GLB1: variants seen among roughly 807,000 people sequenced by gnomAD.
GLB1 encodes beta-galactosidase.
In GLB1, 56 loss-of-function variants were observed where a neutral mutation model predicts 74.0. The ratio of observed to expected loss-of-function variants is 0.76; its 90% CI spans 0.61 to 0.94. The LOEUF is 0.94. Ranked by LOEUF, GLB1 falls within the 40% of genes least tolerant of loss-of-function variation. The probability of loss-of-function intolerance (pLI) is 0.00; values close to 1 mark genes in which losing one functional copy is unlikely to be tolerated. For missense variants in GLB1, 787 were observed against 845.5 expected (o/e 0.93, Z 0.86); for synonymous variants, 323 against 323.6 (o/e 1.00, Z 0.02).
intron 12 of GLB1, chr3:33,021,308 T>G (rs1271709694): frequency 5.6e-6 from 3 of 532,024 alleles, no homozygotes; most frequent in Non-Finnish European, 1.0e-5. Context: ...TTATAACTTG[T>G]ACAGAATTAT....
chr3:33,068,048 G>A (rs561445243), intron 4 of GLB1, among the ~76,000 whole-genome samples, 182 bp downstream of exon 4: 1 of 152,206 alleles, frequency 6.6e-6, no homozygotes, highest in South Asian at 2.1e-4. Context: ...ACCATGCCCA[G>A]CTAATTTTTT....
At chr3:33,012,348 G>C (rs1267080811) in intron 15 of GLB1, among the ~76,000 whole-genome samples, 2 of 152,132 alleles carry the variant, frequency 1.3e-5, no homozygotes, top group East Asian at 3.9e-4. Context: ...CCATGTGATG[G>C]GTTAGGAGGT....
At chr3:33,028,589 G>A (rs534652050) in intron 10 of GLB1, among the ~76,000 whole-genome samples, 31 of 151,888 alleles carry the variant, frequency 2.0e-4, no homozygotes, top group African/African-American at 7.2e-4. Flanking sequence ...CAAAGGATAT[G>A]AGTATAAGAC....
chr3:33,065,374 G>T, intron 5 of GLB1, 89 bp downstream of exon 5: 1 of 1,478,742 alleles, frequency 6.8e-7, no homozygotes, highest in Non-Finnish European at 9.2e-7. Context: ...GACCTATGAG[G>T]CTCATGTCTG....
intron 1 of GLB1, chr3:33,092,740 G>T: frequency 6.6e-7 from 1 of 1,504,534 alleles, no homozygotes. Flanking sequence ...GGATGAGTGG[G>T]CAAGGCTGGA....
intron 1 of GLB1, chr3:33,077,372 C>T: frequency 7.5e-7 from 1 of 1,329,184 alleles, no homozygotes; most frequent in Non-Finnish European, 1.1e-6. Context: ...GTCAATGAGA[C>T]AGATCAGATT....
intron 10 of GLB1, among the ~76,000 whole-genome samples, chr3:33,024,818 A>G (rs1339565988): frequency 3.3e-5 from 5 of 152,352 alleles, no homozygotes; most frequent in African/African-American, 9.6e-5. Context: ...GATGTATGCA[A>G]TCCTCCAATG....
intron 13 of GLB1, 72 bp downstream of exon 13, chr3:33,018,376 G>C: frequency 7.3e-6 from 10 of 1,377,796 alleles, no homozygotes; most frequent in Non-Finnish European, 1.0e-5. Flanking sequence ...CCCAAATGCT[G>C]TGTTAACAAG....
At chr3:33,015,236 A>G (rs1174165081) in intron 14 of GLB1, among the ~76,000 whole-genome samples, 1 of 152,172 alleles carries the variant, frequency 6.6e-6, no homozygotes, top group African/African-American at 2.4e-5. Flanking sequence ...AGCAGGTACG[A>G]CGGATGCAGC....
At chr3:33,052,409 G>A (rs557898638) in intron 7 of GLB1, among the ~76,000 whole-genome samples, 99 of 152,228 alleles carry the variant, frequency 6.5e-4, no homozygotes, top group African/African-American at 2.3e-3. Context: ...CGAGGTGGGC[G>A]GATCACAAGG....
chr3:33,092,591 T>C, intron 1 of GLB1: 1 of 1,313,842 alleles, frequency 7.6e-7, no homozygotes, highest in Non-Finnish European at 9.7e-7. Flanking sequence ...AGTGCTAATA[T>C]ATGTGACCTT....
chr3:32,971,749 G>A, the GLB1 span, among the ~76,000 whole-genome samples: 2 of 152,178 alleles, frequency 1.3e-5, no homozygotes. Context: ...CGCCCAGAAC[G>A]ACTCCTACTT....
At chr3:32,981,224 G>A in the GLB1 span, among the ~76,000 whole-genome samples, 1 of 149,896 alleles carries the variant, frequency 6.7e-6, no homozygotes, top group Non-Finnish European at 1.5e-5. Context: ...CCAACACAGT[G>A]AAACCCCATC....
chr3:33,055,522 G>A (rs1163909906), intron 6 of GLB1, among the ~76,000 whole-genome samples: 1 of 146,270 alleles, frequency 6.8e-6, no homozygotes, highest in Admixed American at 7.0e-5. Flanking sequence ...GTGTAGTGGC[G>A]CAATCTCAGC....
chr3:33,048,836 G>A (rs1575447679), intron 9 of GLB1, among the ~76,000 whole-genome samples: 2 of 152,268 alleles, frequency 1.3e-5, no homozygotes, highest in African/African-American at 4.8e-5. Flanking sequence ...CAGCTGAACA[G>A]AAAACGTGTG....
At chr3:33,052,931 T>C (rs1699055636) in intron 7 of GLB1, 2 of 185,552 alleles carry the variant, frequency 1.1e-5, no homozygotes, top group South Asian at 2.4e-4. Context: ...AAGGCTGTTT[T>C]ATAAATCAGG....
chr3:33,074,363 AG>A (rs1559412824), intron 1 of GLB1, among the ~76,000 whole-genome samples: 51 of 123,142 alleles, frequency 4.1e-4, no homozygotes, highest in African/African-American at 1.4e-3. Context: ...GAAGGAAGGA[AG>A]GAAGGAAGGA....
the GLB1 span, among the ~76,000 whole-genome samples, chr3:32,972,831 G>C: frequency 6.6e-6 from 1 of 152,290 alleles, no homozygotes; most frequent in East Asian, 1.9e-4. Flanking sequence ...CCCTAAGAAA[G>C]AGAAAGAGCT....
chr3:33,036,489 A>G (rs1014876362), intron 10 of GLB1, among the ~76,000 whole-genome samples: 1 of 152,202 alleles, frequency 6.6e-6, no homozygotes, highest in Non-Finnish European at 1.5e-5. Flanking sequence ...AATTCTAAAA[A>G]TAAGCCTACC....
Sources: allele counts gnomAD v4.1 joint callset (sites outside exome capture counted in the v4.1 genomes callset), GRCh38; gene constraint gnomAD v4.1.1; transcripts MANE v1.5; gene names NCBI Gene and HGNC (gene_info 2026-07-23, HGNC 2026-07-21).